EYA1: variants seen among roughly 807,000 people sequenced by gnomAD.
The protein encoded by EYA1 is EYA transcriptional coactivator and phosphatase 1, also known as protein phosphatase EYA1.
EYA1 carries 16 observed loss-of-function variants against 82.0 expected under a neutral mutation model. The ratio of observed to expected loss-of-function variants is 0.20; its 90% CI spans 0.13 to 0.30. The LOEUF (loss-of-function observed/expected upper bound fraction) is 0.30. Ranked by LOEUF, EYA1 falls within the 10% of genes least tolerant of loss-of-function variation. The pLI is 1.00. For synonymous variants in EYA1, 261 were observed against 264.4 expected, an observed-to-expected ratio of 0.99 and a Z score of 0.12; for missense variants, 633 against 730.7, an observed-to-expected ratio of 0.87 and a Z score of 1.54.
At chr8:71,534,118 A>G (rs998443409) in intron 2 of EYA1, among the ~76,000 whole-genome samples, 8 of 152,338 alleles carry the variant, frequency 5.3e-5, no homozygotes, top group East Asian at 1.9e-4. Context: ...ATTTCTTTGC[A>G]GATATTATTA....
intron 11 of EYA1, among the ~76,000 whole-genome samples, chr8:71,258,941 C>T (rs994608806): frequency 2.6e-5 from 4 of 152,130 alleles, no homozygotes; most frequent in African/African-American, 7.2e-5. Context: ...TCTAATTTGA[C>T]CAACTGGACA....
chr8:71,361,905 C>T lies in EYA1; in HGVS notation c.-313G>A, dbSNP rs1827421820. The T allele has an allele frequency of 1.3e-5, 13 of 985,328 alleles. No individual in the cohort carries two copies. The highest frequency in any genetic ancestry group is 3.5e-5 in the African/African-American group (2 of 57,230). The allele number at this position is 985,328 out of a possible 1,614,324, so 61.0% of individuals were successfully genotyped here. ...GAAAACGTGTTCCCCAGGAAGAAACCCGCCACAGTGGACGGCAACAGGAAG... is the reference window on the plus strand; with the variant it reads ...GAAAACGTGTTCCCCAGGAAGAAACTCGCCACAGTGGACGGCAACAGGAAG... On this transcript the variant is annotated 5_prime_UTR_variant, in exon 1 of 18. Coordinates refer to ENST00000340726, the MANE Select transcript of EYA1 (RefSeq NM_000503.6).
intron 11 of EYA1, among the ~76,000 whole-genome samples, chr8:71,255,675 A>G (rs989171134): frequency 5.3e-5 from 8 of 152,338 alleles, no homozygotes; most frequent in South Asian, 4.1e-4. Context: ...GGATTTGTCA[A>G]TGACTTTTTG....
intron 11 of EYA1, among the ~76,000 whole-genome samples, chr8:71,263,420 C>T (rs1815381082): frequency 6.6e-6 from 1 of 152,250 alleles, no homozygotes; most frequent in African/African-American, 2.4e-5. Context: ...AACATCCCCA[C>T]TCTAGACAAC....
At chr8:71,310,572 G>C (rs1016670180) in intron 7 of EYA1, among the ~76,000 whole-genome samples, 3 of 152,130 alleles carry the variant, frequency 2.0e-5, no homozygotes, top group African/African-American at 7.2e-5. Context: ...CTCCATCCAT[G>C]TTCCTGCAAA....
chr8:71,301,709 CAG>C (rs1224109682), intron 7 of EYA1, among the ~76,000 whole-genome samples: 1 of 152,160 alleles, frequency 6.6e-6, no homozygotes, highest in African/African-American at 2.4e-5. Flanking sequence ...CTCAGATAGG[CAG>C]AGAGCTCTCA....
At chr8:71,339,749 C>T (rs7011128) in intron 3 of EYA1, among the ~76,000 whole-genome samples, 6,821 of 152,224 alleles carry the variant, frequency 0.045, 498 homozygotes, top group African/African-American at 0.15. Flanking sequence ...AGTTCAAACT[C>T]TTCTTAATCC....
chr8:71,231,305 T>C (rs1056313343), intron 12 of EYA1, among the ~76,000 whole-genome samples: 6 of 152,222 alleles, frequency 3.9e-5, no homozygotes, highest in Admixed American at 6.5e-5. Context: ...TCGGCATCCA[T>C]TGTAAAATCC....
Position 71,321,875 on chromosome 8 carries a change from G to C in EYA1, c.277C>G (p.Pro93Ala). The change falls in exon 6 of 18, where the codon CCA (proline) becomes GCA (alanine). Residue 93 changes from proline to alanine, a missense_variant. Transcript: ENST00000340726. ...SPPQIYPSNRPYPHILPTPSS... is the reference protein window; with the variant it reads ...SPPQIYPSNRAYPHILPTPSS... Reference sequence around the variant, plus strand: ...GGGGTAGGGAGAATATGTGGGTATGGTCTGCTATTTGTCAGAAATGACAGA... The same window carrying C: ...GGGGTAGGGAGAATATGTGGGTATGCTCTGCTATTTGTCAGAAATGACAGA... 2.5e-6 allele frequency: 4 copies of C among 1,614,242 alleles called. No individual in the cohort carries two copies. The highest frequency in any genetic ancestry group is 3.4e-6 in the Non-Finnish European group (4 of 1,180,042).
chr8:71,210,013 A>G (rs1301346198), intron 17 of EYA1, among the ~76,000 whole-genome samples: 2 of 152,200 alleles, frequency 1.3e-5, no homozygotes, highest in African/African-American at 2.4e-5. Context: ...TATTATGGGA[A>G]TTATATATCT....
intron 2 of EYA1, among the ~76,000 whole-genome samples, chr8:71,494,275 A>C (rs2129228605): frequency 6.6e-6 from 1 of 152,260 alleles, no homozygotes; most frequent in Non-Finnish European, 1.5e-5. Flanking sequence ...AAAATGTAGA[A>C]GCTTTGGTTC....
chr8:71,483,659 G>A (rs1478944819), intron 2 of EYA1, among the ~76,000 whole-genome samples: 1 of 149,936 alleles, frequency 6.7e-6, no homozygotes, highest in African/African-American at 2.5e-5. Flanking sequence ...AGCGTCAATG[G>A]TATGTGTGTG....
At chr8:71,540,834 A>C (rs1168192749) in intron 1 of EYA1, among the ~76,000 whole-genome samples, 1 of 152,188 alleles carries the variant, frequency 6.6e-6, no homozygotes, top group African/African-American at 2.4e-5. Context: ...ATTCCTGAGA[A>C]GCAGAAGGAA....
In EYA1 at chr8:71,215,597, C is replaced by T. The variant is rs376136791; in HGVS notation, c.1475+17G>A. 5 of 1,612,194 alleles carry T rather than the reference C, an allele frequency of 3.1e-6. No individual in the cohort carries two copies. Among genetic ancestry groups the T allele is most frequent in the Non-Finnish European group, 8.5e-7 (1 of 1,178,286 alleles). On this transcript the variant is annotated intron_variant, in intron 15 of 17. Coordinates refer to ENST00000340726, the MANE Select transcript of EYA1 (RefSeq NM_000503.6). ...GCATTGCCCATTTCCTGGCAAAGACCCCGCAGAGAGCCTCACCGGGAGTGA... is the reference window on the plus strand; with the variant it reads ...GCATTGCCCATTTCCTGGCAAAGACTCCGCAGAGAGCCTCACCGGGAGTGA...
intron 2 of EYA1, among the ~76,000 whole-genome samples, chr8:71,486,944 G>A (rs1810618901): frequency 1.1e-5 from 1 of 90,394 alleles, no homozygotes; most frequent in South Asian, 3.7e-4. Flanking sequence ...CTTCTCAGGT[G>A]GTTCCAAATT....
chr8:71,486,099 T>C (rs1453554772), intron 2 of EYA1, among the ~76,000 whole-genome samples: 1 of 152,134 alleles, frequency 6.6e-6, no homozygotes, highest in African/African-American at 2.4e-5. Context: ...CCTGCAAGTA[T>C]TGAATTCCTG....
chr8:71,294,879 G>GA (rs1399412160), intron 9 of EYA1, among the ~76,000 whole-genome samples: 4 of 152,126 alleles, frequency 2.6e-5, no homozygotes, highest in Admixed American at 1.3e-4. Flanking sequence ...TGGTATTGGT[G>GA]AAAAAATAGA....
At chr8:71,232,846 T>C (rs1192882404) in intron 12 of EYA1, among the ~76,000 whole-genome samples, 4 of 152,192 alleles carry the variant, frequency 2.6e-5, no homozygotes, top group African/African-American at 7.2e-5. Context: ...GCATTCTGCA[T>C]GTAGAAGACA....
chr8:71,305,195 T>C lies in EYA1; in HGVS notation c.557-5475A>G, dbSNP rs1369318647. On this transcript the variant is annotated intron_variant, in intron 7 of 17. Coordinates refer to ENST00000340726, the MANE Select transcript of EYA1 (RefSeq NM_000503.6). ...AATAATATAGAAGTATTTTCTTTTC[T>C]AGAAACAAATGACTTTACATCAAAA... Among the ~76,000 whole-genome samples, 2 of 143,298 alleles carry C rather than the reference T, an allele frequency of 1.4e-5. 1 individual carries two copies. The highest frequency in any genetic ancestry group is 3.2e-5 in the Non-Finnish European group (2 of 63,038). 94.0% of individuals were successfully genotyped at this position (143,298 alleles called of 152,430 possible).
Sources: gnomAD v4.1 joint callset for allele counts (sites outside exome capture counted in the v4.1 genomes callset) on GRCh38, gnomAD v4.1.1 for gene constraint, MANE v1.5 for transcripts, NCBI Gene and HGNC (gene_info 2026-07-23, HGNC 2026-07-21) for gene names.